LPP: variants seen among roughly 807,000 people sequenced by gnomAD.
LPP encodes LIM domain containing preferred translocation partner in lipoma, also known as lipoma-preferred partner.
Under a neutral mutation model 60.4 loss-of-function variants are expected in LPP, and 38 were observed. That is an observed-to-expected ratio of 0.63 (90% CI 0.49 to 0.83). LPP has a LOEUF of 0.83. Ranked by LOEUF, LPP falls within the 40% of genes least tolerant of loss-of-function variation. The probability of loss-of-function intolerance (pLI) is 0.00; values close to 1 mark genes in which losing one functional copy is unlikely to be tolerated. For synonymous variants in LPP, 328 were observed against 290.8 expected (o/e 1.13, Z -1.30); for missense variants, 902 against 783.6 (o/e 1.15, Z -1.80).
At chr3:188,858,514 C>G (rs1211529645) in intron 9 of LPP, among the ~76,000 whole-genome samples, 1 of 152,182 alleles carries the variant, frequency 6.6e-6, no homozygotes, top group Admixed American at 6.5e-5. Context: ...TAGTAAAGCT[C>G]AGATCACAAT....
intron 7 of LPP, among the ~76,000 whole-genome samples, chr3:188,684,398 A>G (rs956704780): frequency 1.3e-5 from 2 of 152,214 alleles, no homozygotes; most frequent in Non-Finnish European, 2.9e-5. Context: ...ACATTATGAA[A>G]CACCTATGTT....
chr3:188,858,421 A>T (rs546080978), intron 9 of LPP, among the ~76,000 whole-genome samples: 13 of 152,190 alleles, frequency 8.5e-5, no homozygotes, highest in Non-Finnish European at 1.5e-4. Context: ...TGGGTTATGC[A>T]TTTTAAAGTA....
At position 188,370,525 on chromosome 3, in the gene LPP, G is replaced by C. The variant is rs138620495; in HGVS notation, c.-10+28806G>C. Reference sequence around the variant, plus strand: ...TCATTTAACTCCTCAATTAGATTCCGAGCATCTCGATGGTAGGTTTTCTGT... The same window carrying C: ...TCATTTAACTCCTCAATTAGATTCCCAGCATCTCGATGGTAGGTTTTCTGT... On this transcript the variant is annotated intron_variant, in intron 3 of 11. Coordinates refer to ENST00000617246, the MANE Select transcript of LPP (RefSeq NM_001375462.1). Among the ~76,000 whole-genome samples, 482 of 152,192 alleles carry C rather than the reference G, an allele frequency of 3.2e-3. 1 individual carries two copies. Among genetic ancestry groups the C allele is most frequent in the Middle Eastern group, 0.014 (4 of 294 alleles).
intron 2 of LPP, among the ~76,000 whole-genome samples, chr3:188,232,746 A>C (rs543531068): frequency 2.0e-5 from 3 of 152,138 alleles, no homozygotes; most frequent in Non-Finnish European, 4.4e-5. Context: ...GACAAGGACA[A>C]CATGGTAAAG....
intron 9 of LPP, among the ~76,000 whole-genome samples, chr3:188,803,180 G>C (rs1406294355): frequency 2.0e-5 from 3 of 151,848 alleles, no homozygotes; most frequent in Middle Eastern, 3.4e-3. Context: ...AAGTAGCTGG[G>C]ATTACAGGCT....
chr3:188,860,049 A>C (rs1326988312), intron 9 of LPP, among the ~76,000 whole-genome samples: 1 of 152,080 alleles, frequency 6.6e-6, no homozygotes, highest in Non-Finnish European at 1.5e-5. Flanking sequence ...AGATATAGAC[A>C]AAGGACATTA....
intron 7 of LPP, among the ~76,000 whole-genome samples, chr3:188,615,451 G>A (rs1293812752): frequency 6.6e-6 from 1 of 152,114 alleles, no homozygotes; most frequent in Non-Finnish European, 1.5e-5. Context: ...TACTGTACTG[G>A]AGTCATTTGT....
At chr3:188,497,723 G>A (rs1440060300) in intron 5 of LPP, among the ~76,000 whole-genome samples, 4 of 152,156 alleles carry the variant, frequency 2.6e-5, no homozygotes, top group Non-Finnish European at 4.4e-5. Flanking sequence ...CACTGTGCAT[G>A]TTCAGAAGAC....
intron 4 of LPP, among the ~76,000 whole-genome samples, chr3:188,480,633 G>A (rs541974442): frequency 9.2e-5 from 14 of 152,150 alleles, no homozygotes; most frequent in African/African-American, 2.9e-4. Context: ...TTGCCGGATG[G>A]CATTTTGTTT....
intron 7 of LPP, among the ~76,000 whole-genome samples, chr3:188,637,329 C>T (rs1849027426): frequency 6.6e-6 from 1 of 152,048 alleles, no homozygotes; most frequent in African/African-American, 2.4e-5. Flanking sequence ...AACAAAGGCA[C>T]AACATACCAG....
rs113492992 is a variant in LPP at position 188,406,423 on chromosome 3, G to A, written c.193+110G>A. 2.8e-4 allele frequency: 288 copies of A among 1,011,508 alleles called. 1 individual carries two copies. The African/African-American group carries it at 3.7e-3, about 13-fold the overall frequency. The allele number at this position is 1,011,508 out of a possible 1,614,324, so 62.7% of individuals were successfully genotyped here. A position where few individuals can be genotyped will look rare whatever the true frequency, so the allele number is the denominator to read the frequency against. ...AAAACGTAGTTTGTGAATTCACAGC[G>A]TGGGTGTCATAGGCTACTAAAAGTA... is the stretch of plus-strand genomic sequence containing the variant. On this transcript the variant is annotated intron_variant, in intron 4 of 11. Transcript: ENST00000617246.
intron 5 of LPP, among the ~76,000 whole-genome samples, chr3:188,497,784 G>A (rs1396313295): frequency 6.6e-6 from 1 of 152,180 alleles, no homozygotes; most frequent in East Asian, 1.9e-4. Context: ...AAGTAGAGAT[G>A]TGTCTAGAGG....
rs144409771 is a variant in LPP at position 188,348,297 on chromosome 3, C to T, written c.-10+6578C>T. Reference sequence around the variant, plus strand: ...TAGTAGCTGGGATTACAGGCATGAGCCACCACGCCCAGCTAATTTTTTGTA... The same window carrying T: ...TAGTAGCTGGGATTACAGGCATGAGTCACCACGCCCAGCTAATTTTTTGTA... On this transcript the variant is annotated intron_variant, in intron 3 of 11. Transcript: ENST00000617246. Among the ~76,000 whole-genome samples, 1,132 of 152,178 alleles carry T rather than the reference C, an allele frequency of 7.4e-3. 9 individuals are homozygous for T. The highest frequency in any genetic ancestry group is 0.024 in the African/African-American group (997 of 41,504).
At chr3:188,509,389 C>T (rs1271374696) in intron 5 of LPP, among the ~76,000 whole-genome samples, 1 of 152,188 alleles carries the variant, frequency 6.6e-6, no homozygotes, top group African/African-American at 2.4e-5. Context: ...CTTGGTCAAA[C>T]ATCACATCCA....
chr3:188,309,022 C>CTTTTTTT (rs777945680), intron 2 of LPP, among the ~76,000 whole-genome samples: 28 of 119,714 alleles, frequency 2.3e-4, no homozygotes, highest in East Asian at 5.2e-4. Flanking sequence ...TCTTCTTCTT[C>CTTTTTTT]TTTTTTTTTT....
chr3:188,888,978 T>C lies in LPP; in HGVS notation c.*14499T>C, dbSNP rs956925903. The C allele has an allele frequency of 9.1e-6, 2 of 219,150 alleles. No individual in the cohort carries two copies. The highest frequency in any genetic ancestry group is 6.7e-5 in the East Asian group (1 of 14,950). The allele number at this position is 219,150 out of a possible 1,614,324, so 13.6% of individuals were successfully genotyped here. On this transcript the variant is annotated 3_prime_UTR_variant, in exon 12 of 12. Transcript: ENST00000617246. ...AAAAAAAGATGTTTAAGAGAATTAA[T>C]AGAGCCGTAGTCTGTATTAGGATGT...
At chr3:188,213,688 T>C (rs1712215971) in intron 1 of LPP, among the ~76,000 whole-genome samples, 1 of 152,146 alleles carries the variant, frequency 6.6e-6, no homozygotes, top group Admixed American at 6.5e-5. Context: ...TTCCCTTCTT[T>C]TGTTCATGTG....
At chr3:188,567,939 C>A (rs1379309365) in intron 6 of LPP, among the ~76,000 whole-genome samples, 2 of 151,950 alleles carry the variant, frequency 1.3e-5, no homozygotes, top group Non-Finnish European at 2.9e-5. Context: ...ACTGTGATTA[C>A]AACAGTCTTT....
At chr3:188,387,861 G>A (rs1386414873) in intron 3 of LPP, among the ~76,000 whole-genome samples, 4 of 151,898 alleles carry the variant, frequency 2.6e-5, no homozygotes, top group South Asian at 4.1e-4. Flanking sequence ...CACCCTGCCC[G>A]GCCCAGAGGT....
Sources: allele counts gnomAD v4.1 joint callset (sites outside exome capture counted in the v4.1 genomes callset), GRCh38; gene constraint gnomAD v4.1.1; transcripts MANE v1.5; gene names NCBI Gene and HGNC (gene_info 2026-07-23, HGNC 2026-07-21).